VWC2L: variants seen among roughly 807,000 people sequenced by gnomAD.
The protein encoded by VWC2L is von Willebrand factor C domain containing 2 like.
A neutral mutation model predicts 21.6 loss-of-function variants in VWC2L; 10 were observed. The ratio of observed to expected loss-of-function variants is 0.46; its 90% CI spans 0.29 to 0.78. VWC2L has a LOEUF of 0.78. VWC2L is among the 30% of genes least tolerant of loss of function. The pLI is 0.10. For missense variants in VWC2L, 209 were observed against 277.1 expected, an observed-to-expected ratio of 0.75 and a Z score of 1.74; for synonymous variants, 96 against 94.3, an observed-to-expected ratio of 1.02 and a Z score of -0.10.
At chr2:214,503,903 C>G (rs901203953) in intron 3 of VWC2L, among the ~76,000 whole-genome samples, 3 of 152,168 alleles carry the variant, frequency 2.0e-5, no homozygotes, top group African/African-American at 7.2e-5. Flanking sequence ...TAATCAGCAG[C>G]TACCTGATAT....
chr2:214,502,027 T>G (rs1188413590), intron 3 of VWC2L, among the ~76,000 whole-genome samples: 1 of 152,226 alleles, frequency 6.6e-6, no homozygotes, highest in Admixed American at 6.5e-5. Context: ...GATGGCATGA[T>G]TATGATTAAA....
At chr2:214,490,230 T>G (rs1391729748) in intron 3 of VWC2L, among the ~76,000 whole-genome samples, 1 of 152,172 alleles carries the variant, frequency 6.6e-6, no homozygotes, top group East Asian at 1.9e-4. Flanking sequence ...TCATCTCTCC[T>G]CTTTGGTTTC....
In VWC2L at chr2:214,577,206, A is replaced by G. The variant is rs1690243808; in HGVS notation, c.*1386A>G. 1 of 152,136 alleles carries G rather than the reference A, an allele frequency of 6.6e-6. No homozygotes were observed. The highest frequency in any genetic ancestry group is 6.6e-5 in the Admixed American group (1 of 15,266). 9.4% of individuals were successfully genotyped at this position (152,136 alleles called of 1,614,324 possible). On this transcript the variant is annotated 3_prime_UTR_variant, in exon 4 of 4. Transcript: ENST00000312504. ...GATAGGGTCCTTGAAGAGACTTTAC[A>G]GTTGTCTTTATTATCAATGTTCTTT...
intron 3 of VWC2L, among the ~76,000 whole-genome samples, chr2:214,538,488 C>A (rs1381499903): frequency 6.6e-6 from 1 of 151,892 alleles, no homozygotes; most frequent in Non-Finnish European, 1.5e-5. Context: ...TAAAAAAATA[C>A]CCTGGATAAA....
intron 3 of VWC2L, among the ~76,000 whole-genome samples, chr2:214,448,379 T>C (rs2126183535): frequency 6.6e-6 from 1 of 152,356 alleles, no homozygotes; most frequent in South Asian, 2.1e-4. Flanking sequence ...ATGTTTTCTA[T>C]TTCATACAGA....
intron 3 of VWC2L, among the ~76,000 whole-genome samples, chr2:214,500,106 C>T (rs1688870887): frequency 6.6e-6 from 1 of 152,174 alleles, no homozygotes. Context: ...TGGAAAGATA[C>T]ATCTTATATG....
intron 3 of VWC2L, among the ~76,000 whole-genome samples, chr2:214,548,098 T>C (rs1689738292): frequency 6.6e-6 from 1 of 152,238 alleles, no homozygotes; most frequent in Non-Finnish European, 1.5e-5. Context: ...AGTATAATTC[T>C]CGGGTTGTCA....
chr2:214,479,981 T>G (rs1191463933), intron 3 of VWC2L, among the ~76,000 whole-genome samples: 1 of 152,176 alleles, frequency 6.6e-6, no homozygotes, highest in African/African-American at 2.4e-5. Context: ...ATGTACAGAC[T>G]TTTTTCTTGT....
At chr2:214,431,424 T>G (rs896061468) in intron 2 of VWC2L, among the ~76,000 whole-genome samples, 5 of 152,238 alleles carry the variant, frequency 3.3e-5, no homozygotes, top group African/African-American at 1.2e-4. Context: ...TTGATCATTT[T>G]TGCTTATTAT....
Position 214,516,924 on chromosome 2 carries a change from A to T in VWC2L, c.521-58748A>T, listed in dbSNP as rs1689153341. Among the ~76,000 whole-genome samples the T allele has an allele frequency of 2.0e-5, 3 of 152,246 alleles. No individual in the cohort carries two copies. The South Asian group carries it at 6.2e-4, about 32-fold the overall frequency. ...TGTTAGGGATTACAAGGATTAAATAAGACAAAGTACACTAAACCCTATCTT... is the reference window on the plus strand; with the variant it reads ...TGTTAGGGATTACAAGGATTAAATATGACAAAGTACACTAAACCCTATCTT... On this transcript the variant is annotated intron_variant, in intron 3 of 3. Coordinates refer to ENST00000312504, the MANE Select transcript of VWC2L (RefSeq NM_001080500.4).
chr2:214,511,860 CTATATA>C (rs1302497007), intron 3 of VWC2L, among the ~76,000 whole-genome samples: 7 of 145,772 alleles, frequency 4.8e-5, no homozygotes, highest in African/African-American at 1.5e-4. Flanking sequence ...TATATATACT[CTATATA>C]TATACTTTAT....
At chr2:214,423,573 A>G (rs1702474923) in intron 2 of VWC2L, among the ~76,000 whole-genome samples, 1 of 152,170 alleles carries the variant, frequency 6.6e-6, no homozygotes, top group African/African-American at 2.4e-5. Context: ...GAAATGTGAT[A>G]TCAGGACCTA....
At chr2:214,507,658 C>G (rs1688986217) in intron 3 of VWC2L, among the ~76,000 whole-genome samples, 1 of 152,140 alleles carries the variant, frequency 6.6e-6, no homozygotes, top group Non-Finnish European at 1.5e-5. Flanking sequence ...ATTATTATCT[C>G]TTAATTAGTC....
At chr2:214,534,752 C>A (rs1574622891) in intron 3 of VWC2L, among the ~76,000 whole-genome samples, 1 of 152,112 alleles carries the variant, frequency 6.6e-6, no homozygotes, top group African/African-American at 2.4e-5. Context: ...TAGAAGGTTA[C>A]ATGGCATTAT....
At chr2:214,457,766 T>C (rs1019263887) in intron 3 of VWC2L, among the ~76,000 whole-genome samples, 19 of 152,116 alleles carry the variant, frequency 1.2e-4, no homozygotes, top group Non-Finnish European at 2.8e-4. Flanking sequence ...ATGTATCACA[T>C]TTATGCATTT....
At chr2:214,526,028 A>G (rs1689328540) in intron 3 of VWC2L, among the ~76,000 whole-genome samples, 2 of 151,688 alleles carry the variant, frequency 1.3e-5, no homozygotes. Context: ...CCCAATAAGT[A>G]TTAGCTATAA....
intron 3 of VWC2L, among the ~76,000 whole-genome samples, chr2:214,531,966 T>C (rs1245215089): frequency 6.6e-6 from 1 of 152,144 alleles, no homozygotes; most frequent in African/African-American, 2.4e-5. Flanking sequence ...CATACCACAA[T>C]ACTACTATTT....
intron 3 of VWC2L, among the ~76,000 whole-genome samples, chr2:214,453,954 C>T (rs1412349489): frequency 1.3e-5 from 2 of 152,030 alleles, no homozygotes; most frequent in African/African-American, 2.4e-5. Flanking sequence ...CTCCTGAGCT[C>T]AGGCAGTCCA....
intron 3 of VWC2L, 90 bp downstream of exon 3, chr2:214,436,848 T>C: frequency 2.0e-6 from 3 of 1,484,948 alleles, no homozygotes; most frequent in African/African-American, 1.4e-5. Context: ...AAGACCCCTC[T>C]AAGATCTGCC....
Sources: allele counts gnomAD v4.1 joint callset (sites outside exome capture counted in the v4.1 genomes callset), GRCh38; gene constraint gnomAD v4.1.1; transcripts MANE v1.5; gene names NCBI Gene and HGNC (gene_info 2026-07-23, HGNC 2026-07-21).